Variants in PLXNA4 observed in about 807,000 individuals in gnomAD.
PLXNA4 encodes the protein plexin A4, also known as plexin-A4.
PLXNA4 carries 44 observed loss-of-function variants against 191.8 expected under a neutral mutation model. The observed-to-expected ratio is 0.23, with a 90% CI of 0.18 to 0.29. The LOEUF is 0.29. PLXNA4 is among the 10% of genes least tolerant of loss of function. The pLI is 1.00. For missense variants in PLXNA4, 1,800 were observed against 2,488.8 expected (o/e 0.72, Z 5.89); for synonymous variants, 1,082 against 1,009.5 (o/e 1.07, Z -1.36).
intron 9 of PLXNA4, among the ~76,000 whole-genome samples, chr7:132,212,087 C>T (rs1216681953): frequency 2.0e-5 from 3 of 152,118 alleles, no homozygotes; most frequent in Non-Finnish European, 4.4e-5. Flanking sequence ...CCTGGGCATC[C>T]CCTGTGCCAG....
chr7:132,178,498 T>G (rs1212489476), intron 20 of PLXNA4, among the ~76,000 whole-genome samples: 1 of 152,218 alleles, frequency 6.6e-6, no homozygotes, highest in Non-Finnish European at 1.5e-5. Context: ...AAAGAGATTC[T>G]AATCACTACA....
intron 3 of PLXNA4, among the ~76,000 whole-genome samples, chr7:132,300,929 C>T (rs957553617): frequency 6.6e-6 from 1 of 152,202 alleles, no homozygotes; most frequent in African/African-American, 2.4e-5. Flanking sequence ...CTTTATCTTT[C>T]GACTCCAACT....
intron 3 of PLXNA4, among the ~76,000 whole-genome samples, chr7:132,479,011 T>C (rs1797235064): frequency 6.6e-6 from 1 of 152,130 alleles, no homozygotes; most frequent in Non-Finnish European, 1.5e-5. Flanking sequence ...CTCATACCTG[T>C]AATCTCAGAA....
At chr7:132,515,973 A>C (rs955944293) in intron 1 of PLXNA4, among the ~76,000 whole-genome samples, 4 of 152,250 alleles carry the variant, frequency 2.6e-5, no homozygotes, top group Admixed American at 6.5e-5. Flanking sequence ...TTCCAAGCTC[A>C]GAGCCTGAAA....
intron 2 of PLXNA4, among the ~76,000 whole-genome samples, chr7:132,586,995 G>A (rs1802516658): frequency 6.6e-6 from 1 of 152,180 alleles, no homozygotes; most frequent in Admixed American, 6.5e-5. Context: ...GTGAAATACT[G>A]CCAAAGTCAA....
intron 3 of PLXNA4, among the ~76,000 whole-genome samples, chr7:132,426,449 T>C (rs1394463882): frequency 6.6e-6 from 1 of 152,190 alleles, no homozygotes; most frequent in Non-Finnish European, 1.5e-5. Flanking sequence ...CCTAGCTCAG[T>C]GTCATGCCCA....
At chr7:132,399,173 A>T (rs1446107296) in intron 3 of PLXNA4, among the ~76,000 whole-genome samples, 1 of 152,178 alleles carries the variant, frequency 6.6e-6, no homozygotes, top group Non-Finnish European at 1.5e-5. Flanking sequence ...GAGTATTTAC[A>T]CACAGTTCTG....
chr7:132,521,864 C>T (rs1799201185), intron 1 of PLXNA4, among the ~76,000 whole-genome samples: 1 of 152,206 alleles, frequency 6.6e-6, no homozygotes, highest in Non-Finnish European at 1.5e-5. Context: ...GATTCCCTCC[C>T]CTGGCACCCC....
chr7:132,348,303 C>T (rs1803332012), intron 3 of PLXNA4, among the ~76,000 whole-genome samples: 1 of 152,070 alleles, frequency 6.6e-6, no homozygotes, highest in Non-Finnish European at 1.5e-5. Context: ...TACCTACCTC[C>T]TAGGGTTTGC....
rs1054013672 is a variant in PLXNA4, at chr7:132,384,129, C to T, written c.1372-85907G>A. 3.0e-6 allele frequency: 3 copies of T among 985,284 alleles called. No homozygotes were observed. The African/African-American group carries it at 5.2e-5, about 17-fold the overall frequency. 61.0% of individuals were successfully genotyped at this position (985,284 alleles called of 1,614,324 possible). On this transcript the variant is annotated intron_variant, in intron 3 of 31. Transcript: ENST00000321063. ...ACAGATGAAGGTTCTCAAGAGCCCT[C>T]CTGATTCATTCCCTCCCACAGGCCA... is the stretch of plus-strand genomic sequence containing the variant.
chr7:132,400,699 C>T (rs997453020), intron 3 of PLXNA4, among the ~76,000 whole-genome samples: 5 of 152,158 alleles, frequency 3.3e-5, no homozygotes, highest in South Asian at 4.1e-4. Context: ...GCCTCACCAG[C>T]GTTTTGGGTG....
At chr7:132,419,090 G>T (rs555646376) in intron 3 of PLXNA4, among the ~76,000 whole-genome samples, 1 of 152,320 alleles carries the variant, frequency 6.6e-6, no homozygotes, top group Non-Finnish European at 1.5e-5. Flanking sequence ...TTGGTCCTGG[G>T]ACTTGCTTCT....
intron 3 of PLXNA4, among the ~76,000 whole-genome samples, chr7:132,396,456 T>A (rs1245636037): frequency 6.6e-6 from 1 of 152,170 alleles, no homozygotes; most frequent in Non-Finnish European, 1.5e-5. Context: ...GAACAACTGA[T>A]TAGTGGCAGG....
intron 3 of PLXNA4, among the ~76,000 whole-genome samples, chr7:132,321,995 A>G (rs1013419213): frequency 3.9e-5 from 6 of 152,160 alleles, no homozygotes; most frequent in African/African-American, 1.4e-4. Flanking sequence ...ATTGGGCACA[A>G]TTATAGTAGA....
chr7:132,470,646 C>T (rs1213299173), intron 3 of PLXNA4, among the ~76,000 whole-genome samples: 1 of 152,148 alleles, frequency 6.6e-6, no homozygotes, highest in Admixed American at 6.5e-5. Context: ...CAGGTAGGCA[C>T]ACTCATATCA....
rs138585782 is a variant in PLXNA4, at chr7:132,513,565, T to C, written c.-86-4786A>G. ...CCTCAGACCTTTTATTATGGGGTAA[T>C]AGGATTCTCAGAAAATGTGCCCTAA... On this transcript the variant is annotated intron_variant, in intron 1 of 31. Coordinates refer to ENST00000321063, the MANE Select transcript of PLXNA4 (RefSeq NM_020911.2). Among the ~76,000 whole-genome samples, 123 of 152,354 alleles carry C rather than the reference T, an allele frequency of 8.1e-4. 3 individuals are homozygous for C. In the East Asian group the frequency reaches 0.018, roughly 23 times the overall value.
chr7:132,361,601 A>G (rs926189212), intron 3 of PLXNA4, among the ~76,000 whole-genome samples: 2 of 152,184 alleles, frequency 1.3e-5, no homozygotes, highest in Non-Finnish European at 2.9e-5. Flanking sequence ...TAAGAAAAAT[A>G]AAAAATGTGG....
intron 3 of PLXNA4, among the ~76,000 whole-genome samples, chr7:132,391,143 C>T (rs771532108): frequency 4.6e-5 from 7 of 152,220 alleles, no homozygotes; most frequent in Middle Eastern, 3.4e-3. Flanking sequence ...GCCAGGAGGA[C>T]GGAAGGGTAC....
chr7:132,363,658 T>C (rs1420152293), intron 3 of PLXNA4, among the ~76,000 whole-genome samples: 1 of 152,240 alleles, frequency 6.6e-6, no homozygotes, highest in Admixed American at 6.5e-5. Context: ...ATGAATATGG[T>C]TGTACATCTG....
Sources: gnomAD v4.1 joint callset for allele counts (sites outside exome capture counted in the v4.1 genomes callset) on GRCh38, gnomAD v4.1.1 for gene constraint, MANE v1.5 for transcripts, NCBI Gene and HGNC (gene_info 2026-07-23, HGNC 2026-07-21) for gene names.